Variants in TRDN observed in about 807,000 individuals in gnomAD.
The protein encoded by TRDN is triadin.
In TRDN, 161 loss-of-function variants were observed where a neutral mutation model predicts 149.7. The observed-to-expected ratio is 1.08, with a 90% CI of 0.95 to 1.23. The LOEUF is 1.23. Ranked by LOEUF, TRDN falls within the 50% of genes most tolerant of loss-of-function variation. The probability of loss-of-function intolerance (pLI) is 0.00; values close to 1 mark genes in which losing one functional copy is unlikely to be tolerated. For missense variants in TRDN, 896 were observed against 823.5 expected, an observed-to-expected ratio of 1.09 and a Z score of -1.08; for synonymous variants, 294 against 250.5, an observed-to-expected ratio of 1.17 and a Z score of -1.64.
intron 1 of TRDN, among the ~76,000 whole-genome samples, chr6:123,599,869 C>A (rs1784203920): frequency 6.6e-6 from 1 of 151,842 alleles, no homozygotes; most frequent in African/African-American, 2.4e-5. Context: ...AGCTTCAGTT[C>A]TTTCAGGAAG....
rs28502524 is a variant in TRDN, at chr6:123,260,794, G to A, written c.1805-156C>T. Among the ~76,000 whole-genome samples, 21,593 of 151,696 alleles carry A rather than the reference G, an allele frequency of 0.14. 1,786 individuals carry two copies. The highest frequency in any genetic ancestry group is 0.22 in the African/African-American group (9,200 of 41,432). ...CACATACTCAAAATGGCAAAGAAAT[G>A]TACTGATGATTAATATTTCTGATAG... On this transcript the variant is annotated intron_variant, in intron 33 of 40. Transcript: ENST00000334268.
At chr6:123,222,629 A>C (rs1775190086) in intron 39 of TRDN, among the ~76,000 whole-genome samples, 1 of 151,820 alleles carries the variant, frequency 6.6e-6, no homozygotes, top group African/African-American at 2.4e-5. Flanking sequence ...AATTTTGGGC[A>C]CTGGCAAAGA....
intron 8 of TRDN, chr6:123,498,391 T>TA (rs904934504): frequency 9.4e-6 from 3 of 319,212 alleles, no homozygotes; most frequent in Non-Finnish European, 2.0e-5. Context: ...GTTAGGTCTT[T>TA]AAAAAATAAA....
chr6:123,534,123 C>T (rs1042743063), intron 4 of TRDN, among the ~76,000 whole-genome samples: 1 of 152,096 alleles, frequency 6.6e-6, no homozygotes, highest in African/African-American at 2.4e-5. Context: ...AAGATACACA[C>T]ACAGTAAAGT....
rs368676523 is a variant in TRDN at position 123,636,798 on chromosome 6, C to A, written c.-23G>T. The A allele has an allele frequency of 1.2e-6, 2 of 1,611,164 alleles. No individual in the cohort carries two copies. The highest frequency in any genetic ancestry group is 2.2e-5 in the South Asian group (2 of 90,928). On this transcript the variant is annotated 5_prime_UTR_variant, in exon 1 of 41. Transcript: ENST00000334268. The stretch of plus-strand genomic sequence containing the variant: ...CATGGTGGTCGTCAAAAGTAAAAGT[C>A]AGTTGAAAAGTTCCCGTCAAGTTGC...
chr6:123,572,897 T>A (rs149876000), intron 1 of TRDN, among the ~76,000 whole-genome samples: 24 of 152,248 alleles, frequency 1.6e-4, no homozygotes, highest in Middle Eastern at 3.4e-3. Context: ...CTCAAATTTC[T>A]TTAACATTTT....
chr6:123,315,005 A>C (rs2114696634), intron 24 of TRDN, among the ~76,000 whole-genome samples: 2 of 152,138 alleles, frequency 1.3e-5, no homozygotes, highest in Middle Eastern at 6.8e-3. Context: ...ACTTAAAATA[A>C]AATTTAAGTA....
intron 9 of TRDN, among the ~76,000 whole-genome samples, chr6:123,491,166 G>A (rs1190854239): frequency 2.4e-5 from 3 of 122,888 alleles, no homozygotes; most frequent in South Asian, 2.9e-4. Flanking sequence ...GGAAGGAAAT[G>A]TTTTATTATG....
At chr6:123,381,273 G>T (rs1279053443) in intron 16 of TRDN, 97 bp downstream of exon 16, 4 of 1,176,018 alleles carry the variant, frequency 3.4e-6, no homozygotes, top group South Asian at 1.4e-5. Flanking sequence ...TAAAACATAG[G>T]AAAAGCGGAT....
rs144413128 is a variant in TRDN at position 123,341,420 on chromosome 6, T to C, written c.1370-3751A>G. 1.6e-3 allele frequency among the ~76,000 whole-genome samples: 247 copies of C among 152,042 alleles called. 4 individuals carry two copies. The East Asian group carries it at 0.035, about 21-fold the overall frequency. On this transcript the variant is annotated intron_variant, in intron 21 of 40. Transcript: ENST00000334268. Reference sequence around the variant, plus strand: ...TCCTGAATATATGTTTTAAAATCTTTACAGTGTTTCCAGTTGAATTATATC... The same window carrying C: ...TCCTGAATATATGTTTTAAAATCTTCACAGTGTTTCCAGTTGAATTATATC...
At chr6:123,268,896 C>G (rs1206276433) in intron 31 of TRDN, among the ~76,000 whole-genome samples, 1 of 151,772 alleles carries the variant, frequency 6.6e-6, no homozygotes, top group Non-Finnish European at 1.5e-5. Context: ...AATATATATT[C>G]AAAATACAAT....
intron 1 of TRDN, among the ~76,000 whole-genome samples, chr6:123,580,637 C>T (rs1247820703): frequency 1.3e-5 from 2 of 152,004 alleles, no homozygotes; most frequent in African/African-American, 4.8e-5. Flanking sequence ...ATTATTATAC[C>T]CTTTATAAAA....
chr6:123,285,784 T>C (rs1777783172), intron 24 of TRDN, among the ~76,000 whole-genome samples: 2 of 152,164 alleles, frequency 1.3e-5, no homozygotes, highest in African/African-American at 2.4e-5. Flanking sequence ...TCACAATCTA[T>C]ACATCTGACA....
At chr6:123,344,484 T>C (rs1780181537) in intron 21 of TRDN, among the ~76,000 whole-genome samples, 1 of 152,020 alleles carries the variant, frequency 6.6e-6, no homozygotes, top group Non-Finnish European at 1.5e-5. Context: ...ACTTTCTCCA[T>C]ACTTTTGCCT....
chr6:123,595,363 C>T (rs746215632), intron 1 of TRDN, among the ~76,000 whole-genome samples: 6 of 152,022 alleles, frequency 3.9e-5, no homozygotes, highest in East Asian at 1.9e-4. Flanking sequence ...TCAGACTGTA[C>T]GATCTAAAGC....
chr6:123,607,258 A>C (rs1486186011), intron 1 of TRDN, among the ~76,000 whole-genome samples: 1 of 152,230 alleles, frequency 6.6e-6, no homozygotes, highest in Non-Finnish European at 1.5e-5. Flanking sequence ...TGGAAATGTG[A>C]AAGTAAATAT....
chr6:123,615,063 C>T (rs540439988), intron 1 of TRDN, among the ~76,000 whole-genome samples: 162 of 152,086 alleles, frequency 1.1e-3, no homozygotes, highest in African/African-American at 3.6e-3. Flanking sequence ...TACTCAACAC[C>T]ACGAATCATC....
intron 1 of TRDN, among the ~76,000 whole-genome samples, chr6:123,602,072 A>G (rs563048006): frequency 6.6e-6 from 1 of 152,122 alleles, no homozygotes; most frequent in Admixed American, 6.6e-5. Context: ...CACCATTCTA[A>G]ACACTGGCAA....
chr6:123,447,998 G>A (rs1274170392), intron 10 of TRDN, among the ~76,000 whole-genome samples: 1 of 152,136 alleles, frequency 6.6e-6, no homozygotes, highest in Non-Finnish European at 1.5e-5. Flanking sequence ...GCTGTTTGCA[G>A]GAGAAATTTC....
Sources: gnomAD v4.1 joint callset for allele counts (sites outside exome capture counted in the v4.1 genomes callset) on GRCh38, gnomAD v4.1.1 for gene constraint, MANE v1.5 for transcripts, NCBI Gene and HGNC (gene_info 2026-07-23, HGNC 2026-07-21) for gene names.